The following ANKFN1 variants were observed in gnomAD, a reference collection of about 807,000 sequenced individuals.
ANKFN1 encodes ankyrin repeat and fibronectin type-III domain-containing protein 1.
A neutral mutation model predicts 108.7 loss-of-function variants in ANKFN1; 74 were observed. The observed-to-expected ratio is 0.68, with a 90% CI of 0.56 to 0.83. The LOEUF (loss-of-function observed/expected upper bound fraction) is 0.83. ANKFN1 is among the 40% of genes least tolerant of loss of function. The pLI, the probability that ANKFN1 is intolerant of heterozygous loss-of-function variation, is 0.00. For synonymous variants in ANKFN1, 547 were observed against 516.2 expected, an observed-to-expected ratio of 1.06 and a Z score of -0.81; for missense variants, 1,505 against 1,382.3, an observed-to-expected ratio of 1.09 and a Z score of -1.41.
At chr17:56,134,024 A>G (rs888307005) in intron 4 of ANKFN1, among the ~76,000 whole-genome samples, 3 of 152,254 alleles carry the variant, frequency 2.0e-5, no homozygotes, top group South Asian at 2.1e-4. Flanking sequence ...GATGTTACCT[A>G]TACTATACAA....
intron 4 of ANKFN1, among the ~76,000 whole-genome samples, chr17:56,120,058 C>T (rs1481033234): frequency 2.0e-5 from 3 of 152,170 alleles, no homozygotes; most frequent in Non-Finnish European, 4.4e-5. Flanking sequence ...GTTTCCTGTT[C>T]CTAAGCCTAA....
chr17:56,268,939 C>A (rs546719260), intron 3 of ANKFN1, among the ~76,000 whole-genome samples: 1 of 152,150 alleles, frequency 6.6e-6, no homozygotes, highest in African/African-American at 2.4e-5. Flanking sequence ...ACAAAATGCT[C>A]AGAAAATGCT....
chr17:56,350,780 A>G lies in ANKFN1; in HGVS notation c.203A>G (p.Lys68Arg), dbSNP rs904791065. The G allele has an allele frequency of 6.2e-7, 1 of 1,613,590 alleles. No homozygotes were observed. Among genetic ancestry groups the G allele is most frequent in the African/African-American group, 1.3e-5 (1 of 74,894 alleles). ...SNSINWNCRV[K>R]MTQQMQNLHL... ...CCTCTTCTTAGGAATTGTCGTGTGAAAATGACGCAACAAATGCAAAATTTA... is the reference window on the plus strand; with the variant it reads ...CCTCTTCTTAGGAATTGTCGTGTGAGAATGACGCAACAAATGCAAAATTTA... The change falls in exon 5 of 21, where the codon AAA becomes AGA. Residue 68 changes from lysine to arginine, a missense_variant. Coordinates refer to ENST00000682825, the MANE Select transcript of ANKFN1 (RefSeq NM_001370326.1).
At position 56,331,325 on chromosome 17, in the gene ANKFN1, T is replaced by G. The variant is rs190653637; in HGVS notation, c.188+4970T>G. Among the ~76,000 whole-genome samples the G allele has an allele frequency of 1.4e-3, 210 of 152,246 alleles. 1 individual carries two copies. Among genetic ancestry groups the G allele is most frequent in the South Asian group, 3.7e-3 (18 of 4,830 alleles). Reference sequence around the variant, plus strand: ...AATATTTCAATCCCAGTCAGAAATGTCCCTCTCACTGACTATATCTGTCTA... The same window carrying G: ...AATATTTCAATCCCAGTCAGAAATGGCCCTCTCACTGACTATATCTGTCTA... On this transcript the variant is annotated intron_variant, in intron 4 of 20. Transcript: ENST00000682825.
intron 20 of ANKFN1, among the ~76,000 whole-genome samples, chr17:56,499,826 A>G (rs2051311621): frequency 6.6e-6 from 1 of 152,204 alleles, no homozygotes; most frequent in Non-Finnish European, 1.5e-5. Context: ...AAAGGCAATA[A>G]AAAGCTCTTA....
In ANKFN1 at chr17:56,466,685, G is replaced by A. The variant is rs935010643; in HGVS notation, c.1773+114G>A. On this transcript the variant is annotated intron_variant, in intron 15 of 20. Coordinates refer to ENST00000682825, the MANE Select transcript of ANKFN1 (RefSeq NM_001370326.1). ...ACATATGCAGTGATGGAGTGGAGAG[G>A]GTCCAGAGATATGTTGTTGCAAATG... is the stretch of plus-strand genomic sequence containing the variant. The A allele has an allele frequency of 1.3e-5, 11 of 854,338 alleles. No homozygotes were observed. The African/African-American group carries it at 1.5e-4, about 12-fold the overall frequency. The allele number at this position is 854,338 out of a possible 1,614,324, so 52.9% of individuals were successfully genotyped here. A position where few individuals can be genotyped will look rare whatever the true frequency, so the allele number is the denominator to read the frequency against.
At chr17:56,088,092 C>T (rs1389446258) in intron 4 of ANKFN1, among the ~76,000 whole-genome samples, 5 of 151,296 alleles carry the variant, frequency 3.3e-5, no homozygotes, top group Non-Finnish European at 7.4e-5. Context: ...TACTTTCCCT[C>T]CAGGTAGAAT....
At chr17:56,460,499 C>T (rs114889688) in intron 14 of ANKFN1, among the ~76,000 whole-genome samples, 364 of 152,108 alleles carry the variant, frequency 2.4e-3, no homozygotes, top group African/African-American at 8.2e-3. Context: ...CATTCTCCCA[C>T]ATCCCTTCTC....
At position 56,514,043 on chromosome 17, in the gene ANKFN1, T is replaced by C. The variant is rs1359261150; in HGVS notation, c.*2774T>C. Among the ~76,000 whole-genome samples the C allele has an allele frequency of 1.2e-4, 19 of 152,194 alleles. No individual in the cohort carries two copies. On this transcript the variant is annotated 3_prime_UTR_variant, in exon 21 of 21. Transcript: ENST00000682825. ...AGAGACTTTACAATGTCTGAGGATA[T>C]TTTGTTTTATTTTATTGTTTTTGTT...
intron 18 of ANKFN1, among the ~76,000 whole-genome samples, chr17:56,487,835 G>A (rs1171952817): frequency 6.6e-6 from 1 of 152,124 alleles, no homozygotes; most frequent in Non-Finnish European, 1.5e-5. Flanking sequence ...ATTCAGAATG[G>A]GAAAGAAAAG....
intron 1 of ANKFN1, among the ~76,000 whole-genome samples, chr17:56,203,074 C>T (rs953464836): frequency 1.3e-4 from 20 of 152,060 alleles, no homozygotes; most frequent in Non-Finnish European, 2.4e-4. Context: ...ATAAAAGATA[C>T]GATGAACATG....
intron 4 of ANKFN1, among the ~76,000 whole-genome samples, chr17:56,088,278 T>C (rs960951410): frequency 2.0e-5 from 3 of 151,388 alleles, no homozygotes; most frequent in Non-Finnish European, 3.0e-5. Context: ...CTCCCTTTTC[T>C]ACTCATGAAA....
chr17:56,294,830 G>T (rs2044462585), intron 3 of ANKFN1, among the ~76,000 whole-genome samples: 1 of 152,214 alleles, frequency 6.6e-6, no homozygotes, highest in African/African-American at 2.4e-5. Flanking sequence ...CAGAATCAAT[G>T]CATACAGAAC....
intron 8 of ANKFN1, among the ~76,000 whole-genome samples, chr17:56,422,458 T>TGC (rs2048438041): frequency 6.6e-6 from 1 of 150,710 alleles, no homozygotes. Flanking sequence ...TGCACACACA[T>TGC]GCACACACAC....
chr17:56,142,310 C>G (rs1025296385), intron 4 of ANKFN1, among the ~76,000 whole-genome samples: 5 of 152,126 alleles, frequency 3.3e-5, no homozygotes, highest in Non-Finnish European at 5.9e-5. Flanking sequence ...ATAATTTTGT[C>G]AACTGGGTGG....
At position 56,073,093 on chromosome 17, in the gene ANKFN1, C is replaced by CGCCATT. The variant is rs539558290; in HGVS notation, c.288+26769_288+26774dup. Reference sequence around the variant, plus strand: ...CTGCAAGCTCCGCCTCCCGGGTTCACGCCATTCTCCTGCCTCAGCCTCCCA... The same window carrying CGCCATT: ...CTGCAAGCTCCGCCTCCCGGGTTCACGCCATTGCCATTCTCCTGCCTCAGCCTCCCA... On this transcript the variant is annotated intron_variant, in intron 4 of 12. Coordinates refer to the ANKFN1 transcript ENST00000635860. Among the ~76,000 whole-genome samples the CGCCATT allele has an allele frequency of 3.3e-3, 499 of 151,186 alleles. 5 individuals are homozygous for CGCCATT. Among genetic ancestry groups the CGCCATT allele is most frequent in the South Asian group, 0.022 (104 of 4,762 alleles).
intron 7 of ANKFN1, 24 bp from the exon 8 acceptor site, chr17:56,374,577 C>G: frequency 6.5e-7 from 1 of 1,546,606 alleles, no homozygotes; most frequent in Non-Finnish European, 8.9e-7. Flanking sequence ...TGTTAAGATC[C>G]TTGTGTTTTT....
At chr17:56,340,816 A>G (rs1218123238) in intron 4 of ANKFN1, among the ~76,000 whole-genome samples, 1 of 152,088 alleles carries the variant, frequency 6.6e-6, no homozygotes, top group Non-Finnish European at 1.5e-5. Context: ...TGAATTTTAA[A>G]ATAGTTTTTG....
chr17:56,431,180 A>G (rs1422494965), intron 8 of ANKFN1, among the ~76,000 whole-genome samples: 3 of 152,242 alleles, frequency 2.0e-5, no homozygotes, highest in Admixed American at 6.5e-5. Context: ...AAGAACTTCC[A>G]GAAATGATAG....
Sources: allele counts gnomAD v4.1 joint callset (sites outside exome capture counted in the v4.1 genomes callset), GRCh38; gene constraint gnomAD v4.1.1; transcripts MANE v1.5; gene names NCBI Gene and HGNC (gene_info 2026-07-23, HGNC 2026-07-21).